The following MCTP1 variants were observed in gnomAD, a reference collection of about 807,000 sequenced individuals.
The protein encoded by MCTP1 is multiple C2 and transmembrane domain containing 1.
A neutral mutation model predicts 120.6 loss-of-function variants in MCTP1; 69 were observed. The observed-to-expected ratio is 0.57, with a 90% CI of 0.47 to 0.70. The LOEUF (loss-of-function observed/expected upper bound fraction) is 0.70, where lower values mean the gene tolerates loss of function less well. MCTP1 is among the 30% of genes least tolerant of loss of function. The pLI is 0.00. For missense variants in MCTP1, 1,203 were observed against 1,248.8 expected, an observed-to-expected ratio of 0.96 and a Z score of 0.55; for synonymous variants, 529 against 493.1, an observed-to-expected ratio of 1.07 and a Z score of -0.96.
intron 20 of MCTP1, among the ~76,000 whole-genome samples, chr5:94,713,287 A>G (rs1350308231): frequency 6.6e-6 from 1 of 152,054 alleles, no homozygotes; most frequent in Admixed American, 6.6e-5. Flanking sequence ...CCCCTGTGCC[A>G]TATTCCTGTA....
intron 1 of MCTP1, among the ~76,000 whole-genome samples, chr5:95,210,053 C>G (rs751606265): frequency 1.1e-4 from 16 of 152,192 alleles, no homozygotes; most frequent in Non-Finnish European, 2.1e-4. Context: ...GTTATAATTT[C>G]TGTTCTTTTA....
intron 1 of MCTP1, among the ~76,000 whole-genome samples, chr5:95,116,761 T>G (rs1268243215): frequency 6.6e-6 from 1 of 152,156 alleles, no homozygotes; most frequent in East Asian, 1.9e-4. Flanking sequence ...CTTCCCTTGT[T>G]AGCTGTATTC....
chr5:94,923,863 C>T, intron 7 of MCTP1, 99 bp downstream of exon 7: 1 of 680,220 alleles, frequency 1.5e-6, no homozygotes, highest in Non-Finnish European at 2.5e-6. Context: ...ATCTGGAAGC[C>T]TATCTTAAAA....
At chr5:94,858,457 G>A (rs902200864) in intron 17 of MCTP1, among the ~76,000 whole-genome samples, 14 of 151,566 alleles carry the variant, frequency 9.2e-5, no homozygotes, top group Non-Finnish European at 1.5e-4. Context: ...ATATCAAGTC[G>A]GCAATTCTAG....
chr5:94,975,943 T>G (rs546761985), intron 2 of MCTP1, among the ~76,000 whole-genome samples: 1 of 152,284 alleles, frequency 6.6e-6, no homozygotes, highest in Admixed American at 6.5e-5. Context: ...GCACAACTCC[T>G]GGGTCATCGA....
At chr5:94,800,540 C>T (rs1336864984) in intron 17 of MCTP1, among the ~76,000 whole-genome samples, 4 of 152,148 alleles carry the variant, frequency 2.6e-5, no homozygotes, top group Non-Finnish European at 5.9e-5. Context: ...GGTAGAGAGA[C>T]TCCTGGCCTC....
chr5:94,859,630 C>A (rs762337428), intron 17 of MCTP1, among the ~76,000 whole-genome samples: 1 of 151,506 alleles, frequency 6.6e-6, no homozygotes, highest in Non-Finnish European at 1.5e-5. Flanking sequence ...TAAACAAAAC[C>A]AGATACATAC....
chr5:94,917,697 T>G (rs544705698), intron 8 of MCTP1, among the ~76,000 whole-genome samples, 199 bp downstream of exon 8: 22 of 152,302 alleles, frequency 1.4e-4, no homozygotes, highest in Admixed American at 1.1e-3. Context: ...TTAGTAAGAT[T>G]TTAGAACAAA....
chr5:94,928,209 A>AAAACACACAC (rs1813650563), intron 6 of MCTP1, among the ~76,000 whole-genome samples: 1 of 148,436 alleles, frequency 6.7e-6, no homozygotes, highest in Non-Finnish European at 1.5e-5. Flanking sequence ...TCTAGGTTAA[A>AAAACACACAC]ACACACACAC....
Position 94,705,438 on chromosome 5 carries a change from C to CTGTT in MCTP1, c.*2054_*2057dup, listed in dbSNP as rs758578115. The CTGTT allele has an allele frequency of 2.3e-4, 34 of 148,112 alleles. No individual in the cohort carries two copies. The highest frequency in any genetic ancestry group is 1.8e-3 in the Admixed American group (27 of 14,654). The allele number at this position is 148,112 out of a possible 1,614,324, so 9.2% of individuals were successfully genotyped here. On this transcript the variant is annotated 3_prime_UTR_variant, in exon 23 of 23. Coordinates refer to ENST00000515393, the MANE Select transcript of MCTP1 (RefSeq NM_024717.7). ...AAGGTCTTATTTGTTTAAACCAAAT[C>CTGTT]TGTTTTTCTCCAAGTGACATATAGT... is the stretch of plus-strand genomic sequence containing the variant.
intron 12 of MCTP1, among the ~76,000 whole-genome samples, chr5:94,883,894 T>C (rs532602567): frequency 1.3e-5 from 2 of 152,336 alleles, no homozygotes; most frequent in African/African-American, 4.8e-5. Context: ...AAAAGGACAA[T>C]ATCTTGTCTA....
chr5:95,089,699 A>G (rs927738639), intron 1 of MCTP1, among the ~76,000 whole-genome samples: 2 of 152,110 alleles, frequency 1.3e-5, no homozygotes, highest in Non-Finnish European at 2.9e-5. Flanking sequence ...TAAGTCCTTA[A>G]TCTGCTGTTT....
chr5:94,745,329 A>G (rs1427096585), intron 19 of MCTP1, among the ~76,000 whole-genome samples: 1 of 152,158 alleles, frequency 6.6e-6, no homozygotes, highest in Non-Finnish European at 1.5e-5. Flanking sequence ...AGATGTGAGG[A>G]GGGATAAAGG....
At chr5:95,180,348 T>A (rs1413407457) in intron 1 of MCTP1, among the ~76,000 whole-genome samples, 4 of 152,226 alleles carry the variant, frequency 2.6e-5, no homozygotes, top group African/African-American at 9.6e-5. Flanking sequence ...CCTTAGGCCA[T>A]GTTACTCCAG....
chr5:94,742,337 G>A (rs1433218587), intron 19 of MCTP1, among the ~76,000 whole-genome samples: 1 of 152,172 alleles, frequency 6.6e-6, no homozygotes, highest in Non-Finnish European at 1.5e-5. Flanking sequence ...TTACAGGGGT[G>A]CACTGCCATG....
chr5:95,210,289 T>G (rs906084910), intron 1 of MCTP1, among the ~76,000 whole-genome samples: 2 of 151,992 alleles, frequency 1.3e-5, no homozygotes, highest in African/African-American at 4.8e-5. Context: ...AGGTCTCCCA[T>G]TATTATTGTG....
chr5:95,035,790 G>C (rs368160712), intron 1 of MCTP1, among the ~76,000 whole-genome samples: 2 of 152,136 alleles, frequency 1.3e-5, no homozygotes, highest in East Asian at 1.9e-4. Flanking sequence ...TAAAAGAGTT[G>C]AGTGATTTAC....
At chr5:94,952,112 C>T (rs1396181177) in intron 3 of MCTP1, among the ~76,000 whole-genome samples, 1 of 138,280 alleles carries the variant, frequency 7.2e-6, no homozygotes, top group Non-Finnish European at 1.5e-5. Flanking sequence ...ATGAACGTTG[C>T]AGTGAGCCAA....
chr5:94,856,108 G>C (rs975873348), intron 17 of MCTP1, among the ~76,000 whole-genome samples: 2 of 151,660 alleles, frequency 1.3e-5, no homozygotes, highest in African/African-American at 4.8e-5. Context: ...AAATTATATA[G>C]TGTTTTATAC....
Sources: allele counts gnomAD v4.1 joint callset (sites outside exome capture counted in the v4.1 genomes callset), GRCh38; gene constraint gnomAD v4.1.1; transcripts MANE v1.5; gene names NCBI Gene and HGNC (gene_info 2026-07-23, HGNC 2026-07-21).